GRK3: variants seen among roughly 807,000 people sequenced by gnomAD.
GRK3 encodes adrenergic, beta, receptor kinase 2.
GRK3 carries 54 observed loss-of-function variants against 95.7 expected under a neutral mutation model. The ratio of observed to expected loss-of-function variants is 0.56; its 90% CI spans 0.45 to 0.71. GRK3 has a LOEUF of 0.71. Ranked by LOEUF, GRK3 falls within the 30% of genes least tolerant of loss-of-function variation. The pLI, the probability that GRK3 is intolerant of heterozygous loss-of-function variation, is 0.00. For synonymous variants in GRK3, 281 were observed against 290.8 expected (o/e 0.97, Z 0.34); for missense variants, 649 against 851.2 (o/e 0.76, Z 2.96).
At chr22:25,641,583 G>A (rs1196145360) in intron 2 of GRK3, among the ~76,000 whole-genome samples, 2 of 152,242 alleles carry the variant, frequency 1.3e-5, no homozygotes, top group Non-Finnish European at 2.9e-5. Context: ...TGGTGTGTGT[G>A]TGTGAATGGA....
intron 2 of GRK3, among the ~76,000 whole-genome samples, chr22:25,635,040 C>T (rs758143058): frequency 6.6e-5 from 10 of 152,130 alleles, no homozygotes; most frequent in East Asian, 3.9e-4. Flanking sequence ...ACTTGCGGCC[C>T]GCGGGCTGCA....
chr22:25,631,999 G>C (rs1377404121), intron 2 of GRK3, among the ~76,000 whole-genome samples: 1 of 152,188 alleles, frequency 6.6e-6, no homozygotes, highest in African/African-American at 2.4e-5. Context: ...TTCGAGTAAA[G>C]CTAGCTACTT....
intron 13 of GRK3, among the ~76,000 whole-genome samples, chr22:25,698,059 G>A (rs1355708436): frequency 6.6e-6 from 1 of 150,912 alleles, no homozygotes; most frequent in Non-Finnish European, 1.5e-5. Context: ...AAAGGAGTAA[G>A]GAAGGAAAAA....
intron 13 of GRK3, among the ~76,000 whole-genome samples, chr22:25,696,882 A>G (rs1438962777): frequency 6.6e-6 from 1 of 152,258 alleles, no homozygotes; most frequent in Non-Finnish European, 1.5e-5. Flanking sequence ...GGATGGCTTT[A>G]ATTCATGTCA....
intron 9 of GRK3, among the ~76,000 whole-genome samples, chr22:25,681,751 C>T (rs1166345624): frequency 6.6e-6 from 1 of 152,108 alleles, no homozygotes; most frequent in Admixed American, 6.5e-5. Flanking sequence ...CGAGTTCCTG[C>T]AAAATGTAAG....
intron 2 of GRK3, among the ~76,000 whole-genome samples, chr22:25,605,215 G>A (rs1286320926): frequency 2.0e-5 from 3 of 152,222 alleles, no homozygotes; most frequent in African/African-American, 7.2e-5. Flanking sequence ...GGTGGACGGA[G>A]TGGTTTGGAG....
In GRK3 at chr22:25,704,129, C is replaced by T. The variant is rs776350249; in HGVS notation, c.1248C>T (p.Thr416=). Residue 416 remains threonine (T), a synonymous_variant, in exon 15 of 21, where the codon ACC becomes ACT. Coordinates refer to ENST00000324198, the MANE Select transcript of GRK3 (RefSeq NM_005160.4). ...CCCAGAATGTGGAACTTCCAGACAC[C>T]TTCTCTCCTGAACTGAAGTCCCTTT... is the stretch of plus-strand genomic sequence containing the variant. ...TLTVNVELPD[T]FSPELKSLLE... The T allele has an allele frequency of 6.2e-7, 1 of 1,613,120 alleles. No homozygotes were observed. The highest frequency in any genetic ancestry group is 8.5e-7 in the Non-Finnish European group (1 of 1,179,452).
At chr22:25,582,778 T>G (rs1932147475) in intron 1 of GRK3, among the ~76,000 whole-genome samples, 1 of 152,028 alleles carries the variant, frequency 6.6e-6, no homozygotes, top group African/African-American at 2.4e-5. Flanking sequence ...TTCCTCCACA[T>G]TATACACAAA....
chr22:25,681,652 G>T (rs2085075355), intron 9 of GRK3, among the ~76,000 whole-genome samples: 1 of 152,202 alleles, frequency 6.6e-6, no homozygotes, highest in East Asian at 1.9e-4. Context: ...AATCAGCCTT[G>T]CAGTTCACAA....
chr22:25,584,407 C>G (rs1221737630), intron 1 of GRK3, among the ~76,000 whole-genome samples: 3 of 152,082 alleles, frequency 2.0e-5, no homozygotes, highest in African/African-American at 4.8e-5. Flanking sequence ...TCCCTTAGTA[C>G]CTGGCTTAGG....
At chr22:25,632,685 A>C (rs28866261) in intron 2 of GRK3, among the ~76,000 whole-genome samples, 1 of 152,116 alleles carries the variant, frequency 6.6e-6, no homozygotes, top group African/African-American at 2.4e-5. Flanking sequence ...TTTTGAGTTA[A>C]TTTTTGTAGG....
intron 2 of GRK3, among the ~76,000 whole-genome samples, chr22:25,614,051 C>G (rs1346279328): frequency 6.6e-6 from 1 of 152,036 alleles, no homozygotes. Context: ...AAAGCACAAT[C>G]CTTTAATATC....
intron 2 of GRK3, among the ~76,000 whole-genome samples, chr22:25,641,377 C>T (rs1226621596): frequency 6.6e-6 from 1 of 152,170 alleles, no homozygotes; most frequent in African/African-American, 2.4e-5. Context: ...GCTCTTTCTT[C>T]TACCTTTCTT....
chr22:25,686,103 T>G (rs1469834365), intron 10 of GRK3, among the ~76,000 whole-genome samples: 1 of 151,148 alleles, frequency 6.6e-6, no homozygotes, highest in African/African-American at 2.4e-5. Flanking sequence ...GCGCCTATAG[T>G]CCCAGCTACT....
chr22:25,725,905 C>G lies in GRK3; in HGVS notation c.*3455C>G, dbSNP rs1250849192. The G allele has an allele frequency of 4.0e-6, 1 of 251,730 alleles. No homozygotes were observed. The highest frequency in any genetic ancestry group is 7.5e-6 in the Non-Finnish European group (1 of 133,342). The allele number at this position is 251,730 out of a possible 1,614,324, so 15.6% of individuals were successfully genotyped here. A position where few individuals can be genotyped will look rare whatever the true frequency, so the allele number is the denominator to read the frequency against. On this transcript the variant is annotated 3_prime_UTR_variant, in exon 21 of 21. Coordinates refer to ENST00000324198, the MANE Select transcript of GRK3 (RefSeq NM_005160.4). Reference sequence around the variant, plus strand: ...CAGAGCTTGCAGTGAGCCGAGATTGCGCCACTGCACTCCAGCCTGGGCGAC... The same window carrying G: ...CAGAGCTTGCAGTGAGCCGAGATTGGGCCACTGCACTCCAGCCTGGGCGAC...
chr22:25,707,538 A>G (rs182586793), intron 15 of GRK3, among the ~76,000 whole-genome samples: 170 of 152,288 alleles, frequency 1.1e-3, no homozygotes, highest in African/African-American at 3.7e-3. Context: ...ATCAAGTAAG[A>G]CAGGTCCAGA....
chr22:25,639,808 A>G (rs995542666), intron 2 of GRK3, among the ~76,000 whole-genome samples: 10 of 152,102 alleles, frequency 6.6e-5, no homozygotes, highest in Non-Finnish European at 1.5e-4. Context: ...CTGAGTATGT[A>G]TTTCCATTTA....
At chr22:25,618,034 A>G (rs779049307) in intron 2 of GRK3, among the ~76,000 whole-genome samples, 22 of 152,244 alleles carry the variant, frequency 1.4e-4, no homozygotes, top group Non-Finnish European at 2.8e-4. Flanking sequence ...TGGCCTCCCA[A>G]AGTGCTGGGA....
Position 25,687,842 on chromosome 22 carries a change from G to A in GRK3, c.957+175G>A, listed in dbSNP as rs569640895. ...CCTCTAGACCAGACTCTGCGGGGAC[G>A]GAGCGCATGTCTGTCCCTGTCATTA... On this transcript the variant is annotated intron_variant, in intron 11 of 20. Transcript: ENST00000324198. 5.3e-5 allele frequency among the ~76,000 whole-genome samples: 8 copies of A among 152,226 alleles called. No individual in the cohort carries two copies. In the South Asian group the frequency reaches 1.5e-3, roughly 28 times the overall value.
Sources: gnomAD v4.1 joint callset for allele counts (sites outside exome capture counted in the v4.1 genomes callset) on GRCh38, gnomAD v4.1.1 for gene constraint, MANE v1.5 for transcripts, NCBI Gene and HGNC (gene_info 2026-07-23, HGNC 2026-07-21) for gene names.